PCDHGB2: variants seen among roughly 807,000 people sequenced by gnomAD.
PCDHGB2 encodes the protein protocadherin gamma-B2.
PCDHGB2 carries 55 observed loss-of-function variants against 59.3 expected under a neutral mutation model. That is an observed-to-expected ratio of 0.93 (90% confidence interval 0.75 to 1.16). The LOEUF (loss-of-function observed/expected upper bound fraction) is 1.16, where lower values mean the gene tolerates loss of function less well. Ranked by LOEUF, PCDHGB2 falls within the 50% of genes most tolerant of loss-of-function variation. PCDHGB2 has a pLI of 0.00. For synonymous variants in PCDHGB2, 516 were observed against 512.0 expected, an observed-to-expected ratio of 1.01 and a Z score of -0.11; for missense variants, 1,228 against 1,198.5, an observed-to-expected ratio of 1.02 and a Z score of -0.36.
intron 1 of PCDHGB2, among the ~76,000 whole-genome samples, chr5:141,488,238 C>T (rs374846692): frequency 5.3e-5 from 8 of 152,036 alleles, no homozygotes; most frequent in Non-Finnish European, 1.0e-4. Flanking sequence ...GAACTAGATG[C>T]GGTAAATTGG....
At chr5:141,405,555 G>C in intron 1 of PCDHGB2, 1 of 620,228 alleles carries the variant, frequency 1.6e-6, no homozygotes, top group Non-Finnish European at 2.8e-6. Context: ...AAGTAGAGTA[G>C]CTGGGACTAG....
rs2099391466 is a variant in PCDHGB2, at chr5:141,476,424, C to T, written c.2422-18383C>T. ...GAGGAGCTGTGTGGGACACTGCCCT[C>T]TTGCACTGTAACTCTGGAGTTGGTA... is the stretch of plus-strand genomic sequence containing the variant. On this transcript the variant is annotated intron_variant, in intron 1 of 3. Coordinates refer to ENST00000522605, the MANE Select transcript of PCDHGB2 (RefSeq NM_018923.3). This position sits in a 1 kb window ranked among gnomAD's most constrained non-coding sequence, Gnocchi z 7.6. 1 of 1,613,978 alleles carries T rather than the reference C, an allele frequency of 6.2e-7. No individual in the cohort carries two copies. The highest frequency in any genetic ancestry group is 1.1e-5 in the South Asian group (1 of 91,076).
Position 141,491,880 on chromosome 5 carries a change from G to C in PCDHGB2, c.2422-2927G>C. ...GCGAAACCAGAGTGGCCGATTAAGG[G>C]ATGGGGCTCCGAGCACCGGGGGTGG... On this transcript the variant is annotated intron_variant, in intron 1 of 3. Transcript: ENST00000522605. This position sits in a 1 kb window ranked among gnomAD's most constrained non-coding sequence, Gnocchi z 6.9. 1 of 1,449,834 alleles carries C rather than the reference G, an allele frequency of 6.9e-7. No individual in the cohort carries two copies. 89.8% of individuals were successfully genotyped at this position (1,449,834 alleles called of 1,614,324 possible).
chr5:141,494,316 G>T (rs2099753509), intron 1 of PCDHGB2, among the ~76,000 whole-genome samples: 1 of 152,172 alleles, frequency 6.6e-6, no homozygotes, highest in Admixed American at 6.5e-5. Flanking sequence ...TGCACAACCT[G>T]GCACCAAAAG....
Position 141,360,957 on chromosome 5 carries a change from C to T in PCDHGB2, c.822C>T (p.Asn274=), listed in dbSNP as rs990313847. 1 of 1,613,904 alleles carries T rather than the reference C, an allele frequency of 6.2e-7. No homozygotes were observed. Among genetic ancestry groups the T allele is most frequent in the East Asian group, 2.2e-5 (1 of 44,886 alleles). Residue 274 remains asparagine, a synonymous_variant, in exon 1 of 4, where the codon AAC becomes AAT. Coordinates refer to ENST00000522605, the MANE Select transcript of PCDHGB2 (RefSeq NM_018923.3). ...VTATDRDEGI[N]AEITYSFHNV... is the part of the protein sequence containing the mutation. Reference sequence around the variant, plus strand: ...CCACCGACCGGGATGAAGGCATAAACGCAGAGATCACCTACTCCTTTCATA... The same window carrying T: ...CCACCGACCGGGATGAAGGCATAAATGCAGAGATCACCTACTCCTTTCATA...
At chr5:141,384,383 C>T in intron 1 of PCDHGB2, 1 of 1,613,946 alleles carries the variant, frequency 6.2e-7, no homozygotes. Flanking sequence ...GCCGAAGACA[C>T]CATCCAGGGG....
intron 1 of PCDHGB2, chr5:141,421,166 A>T: frequency 7.7e-7 from 1 of 1,301,524 alleles, no homozygotes; most frequent in Non-Finnish European, 1.0e-6. Context: ...CTTCATAGAT[A>T]CATAAGCCGA....
chr5:141,489,094 G>GAAT lies in PCDHGB2; in HGVS notation c.2422-5711_2422-5710insTAA, dbSNP rs2154581134. 5.1e-6 allele frequency: 2 copies of GAAT among 396,028 alleles called. No homozygotes were observed. Among genetic ancestry groups the GAAT allele is most frequent in the Non-Finnish European group, 9.0e-6 (2 of 221,296 alleles). 24.5% of individuals were successfully genotyped at this position (396,028 alleles called of 1,614,324 possible). Reference sequence around the variant, plus strand: ...CCCACCCCCGCCACTCGGTGACTAAGAACTGCTGCAAGCAGGCAAACCTCC... The same window carrying GAAT: ...CCCACCCCCGCCACTCGGTGACTAAGAATAACTGCTGCAAGCAGGCAAACCTCC... On this transcript the variant is annotated intron_variant, in intron 1 of 3. Coordinates refer to ENST00000522605, the MANE Select transcript of PCDHGB2 (RefSeq NM_018923.3). The surrounding 1 kb of genome is among the most constrained non-coding windows in gnomAD (Gnocchi z 4.5).
intron 1 of PCDHGB2, among the ~76,000 whole-genome samples, chr5:141,460,801 ATATGTATG>A (rs2098998171): frequency 6.6e-6 from 1 of 152,010 alleles, no homozygotes; most frequent in Non-Finnish European, 1.5e-5. Context: ...CAAAGTATAT[ATATGTATG>A]TATACATATA....
intron 1 of PCDHGB2, chr5:141,385,577 T>C: frequency 1.6e-6 from 2 of 1,290,108 alleles, no homozygotes; most frequent in Non-Finnish European, 2.0e-6. Context: ...TACTTTCCAA[T>C]CTATGTTCCA....
chr5:141,457,127 C>G (rs2098910262), intron 1 of PCDHGB2, among the ~76,000 whole-genome samples: 1 of 152,200 alleles, frequency 6.6e-6, no homozygotes, highest in Admixed American at 6.5e-5. Flanking sequence ...AATGGAAACT[C>G]TGTCCAATAT....
rs925541311 is a variant in PCDHGB2 at position 141,431,452 on chromosome 5, G to C, written c.2422-63355G>C. 11 of 1,613,630 alleles carry C rather than the reference G, an allele frequency of 6.8e-6. No individual in the cohort carries two copies. The highest frequency in any genetic ancestry group is 9.3e-6 in the Non-Finnish European group (11 of 1,179,982). On this transcript the variant is annotated intron_variant, in intron 1 of 3. Transcript: ENST00000522605. The surrounding 1 kb of genome is among the most constrained non-coding windows in gnomAD (Gnocchi z 4.8). ...CAGGCACCGCGCGCATCCGCGTGAT[G>C]GTTCTGGATGCGAACGACAACGCAC...
intron 1 of PCDHGB2, among the ~76,000 whole-genome samples, chr5:141,380,353 G>T (rs954913370): frequency 6.6e-6 from 1 of 151,944 alleles, no homozygotes; most frequent in Non-Finnish European, 1.5e-5. Flanking sequence ...TTTGTTGTTT[G>T]TTTTTTAGAA....
At chr5:141,410,370 C>T (rs780808768) in intron 1 of PCDHGB2, 2 of 1,614,060 alleles carry the variant, frequency 1.2e-6, no homozygotes, top group South Asian at 2.2e-5. Flanking sequence ...AGCCCTGCTA[C>T]TTGGGACTGC....
At chr5:141,497,703 C>T (rs995815060) in intron 2 of PCDHGB2, among the ~76,000 whole-genome samples, 16 of 152,134 alleles carry the variant, frequency 1.1e-4, no homozygotes, top group African/African-American at 3.9e-4. Context: ...CCACACCCAG[C>T]TCATTTTTGT....
At chr5:141,394,239 G>A (rs530540432) in intron 1 of PCDHGB2, 1 of 1,613,868 alleles carries the variant, frequency 6.2e-7, no homozygotes, top group South Asian at 1.1e-5. Flanking sequence ...TTCCTTGACT[G>A]CACACGACCC....
intron 1 of PCDHGB2, chr5:141,399,207 A>T (rs771939823): frequency 1.2e-6 from 2 of 1,613,992 alleles, no homozygotes; most frequent in South Asian, 2.2e-5. Flanking sequence ...TGCCTGGAAC[A>T]CTAATTGCTT....
At chr5:141,413,626 G>T (rs757785567) in intron 1 of PCDHGB2, 24 of 1,613,680 alleles carry the variant, frequency 1.5e-5, no homozygotes, top group Non-Finnish European at 1.7e-5. Context: ...TGAAAATGTC[G>T]CTGCGGGAAT....
At chr5:141,451,193 A>T (rs2098710240) in intron 1 of PCDHGB2, among the ~76,000 whole-genome samples, 1 of 152,208 alleles carries the variant, frequency 6.6e-6, no homozygotes, top group Non-Finnish European at 1.5e-5. Context: ...TGTGTAACAA[A>T]TTATCCCAAA....
Sources: allele counts gnomAD v4.1 joint callset (sites outside exome capture counted in the v4.1 genomes callset), GRCh38; gene constraint gnomAD v4.1.1; non-coding constraint Gnocchi (gnomAD v3.1); transcripts MANE v1.5; gene names NCBI Gene and HGNC (gene_info 2026-07-23, HGNC 2026-07-21).